The following PLEKHG1 variants were observed in gnomAD, a reference collection of about 807,000 sequenced individuals.
The protein encoded by PLEKHG1 is pleckstrin homology domain-containing family G member 1.
Under a neutral mutation model 100.8 loss-of-function variants are expected in PLEKHG1, and 44 were observed. That is an observed-to-expected ratio of 0.44 (90% CI 0.34 to 0.56). The LOEUF (loss-of-function observed/expected upper bound fraction) is 0.56, where lower values mean the gene tolerates loss of function less well. Among genes scored for constraint, PLEKHG1 ranks in the 20% least tolerant of loss-of-function variants. The probability of loss-of-function intolerance (pLI) is 0.01; values close to 1 mark genes in which losing one functional copy is unlikely to be tolerated. For synonymous variants in PLEKHG1, 640 were observed against 662.5 expected (o/e 0.97, Z 0.52); for missense variants, 1,545 against 1,720.9 (o/e 0.90, Z 1.81).
At chr6:150,680,170 A>G (rs1779885620) in intron 3 of PLEKHG1, among the ~76,000 whole-genome samples, 1 of 152,196 alleles carries the variant, frequency 6.6e-6, no homozygotes, top group African/African-American at 2.4e-5. Flanking sequence ...TCCCCTCCAG[A>G]GAATATTTAG....
At chr6:150,702,155 C>A (rs1331782010) in intron 3 of PLEKHG1, among the ~76,000 whole-genome samples, 1 of 152,178 alleles carries the variant, frequency 6.6e-6, no homozygotes, top group Admixed American at 6.6e-5. Flanking sequence ...AGAAATACAA[C>A]TGGACAACAG....
At chr6:150,813,318 A>AC in intron 10 of PLEKHG1, among the ~76,000 whole-genome samples, 1 of 151,488 alleles carries the variant, frequency 6.6e-6, no homozygotes, top group Non-Finnish European at 1.5e-5. Context: ...AAAAAAAAAA[A>AC]ACAAAATGGA....
At chr6:150,736,938 G>C (rs768966058) in intron 2 of PLEKHG1, among the ~76,000 whole-genome samples, 22 of 152,238 alleles carry the variant, frequency 1.4e-4, no homozygotes, top group Admixed American at 5.9e-4. Flanking sequence ...GGCCCAGAAG[G>C]GGGTGAGTAT....
chr6:150,665,602 C>T (rs2128582520), intron 3 of PLEKHG1, among the ~76,000 whole-genome samples: 1 of 151,310 alleles, frequency 6.6e-6, no homozygotes, highest in African/African-American at 2.4e-5. Context: ...TGCACTCTAG[C>T]CTGGGCAACA....
At chr6:150,739,801 G>A (rs763444016) in intron 2 of PLEKHG1, among the ~76,000 whole-genome samples, 10 of 152,312 alleles carry the variant, frequency 6.6e-5, no homozygotes, top group Admixed American at 2.0e-4. Flanking sequence ...ACAAGGATTA[G>A]AATGGTGATC....
At chr6:150,736,941 G>A (rs535909286) in intron 2 of PLEKHG1, among the ~76,000 whole-genome samples, 2 of 152,174 alleles carry the variant, frequency 1.3e-5, no homozygotes, top group East Asian at 3.9e-4. Flanking sequence ...CCAGAAGGGG[G>A]TGAGTATTGG....
intron 1 of PLEKHG1, among the ~76,000 whole-genome samples, chr6:150,728,482 G>A (rs987324034): frequency 5.9e-5 from 9 of 151,878 alleles, no homozygotes; most frequent in Non-Finnish European, 1.0e-4. Flanking sequence ...CCAGCTATTT[G>A]GGAGGCTGAG....
At chr6:150,698,637 C>G (rs183546574) in intron 3 of PLEKHG1, among the ~76,000 whole-genome samples, 1 of 152,272 alleles carries the variant, frequency 6.6e-6, no homozygotes, top group Non-Finnish European at 1.5e-5. Flanking sequence ...CAAGTACCTC[C>G]TGTAACGCAA....
chr6:150,703,388 C>G (rs1315090044), intron 3 of PLEKHG1, among the ~76,000 whole-genome samples: 3 of 152,030 alleles, frequency 2.0e-5, no homozygotes, highest in Non-Finnish European at 4.4e-5. Context: ...ATCGCTTGAG[C>G]TCAGGAGTTA....
At chr6:150,680,035 G>A (rs1173582591) in intron 3 of PLEKHG1, among the ~76,000 whole-genome samples, 1 of 152,194 alleles carries the variant, frequency 6.6e-6, no homozygotes, top group African/African-American at 2.4e-5. Context: ...CTGGAGGCCA[G>A]GTTACATACA....
intron 15 of PLEKHG1, among the ~76,000 whole-genome samples, chr6:150,835,959 A>G (rs547025368): frequency 2.0e-5 from 3 of 152,366 alleles, no homozygotes; most frequent in African/African-American, 7.2e-5. Context: ...TGAGTTATCT[A>G]TAGGAAGCAT....
At chr6:150,703,582 C>T (rs866332223) in intron 3 of PLEKHG1, among the ~76,000 whole-genome samples, 1 of 144,910 alleles carries the variant, frequency 6.9e-6, no homozygotes, top group Non-Finnish European at 1.5e-5. Context: ...GCCTGGGCGA[C>T]AGAGCAAGAC....
At chr6:150,648,927 C>T (rs6918876) in intron 2 of PLEKHG1, among the ~76,000 whole-genome samples, 10,185 of 151,780 alleles carry the variant, frequency 0.067, 790 homozygotes, top group African/African-American at 0.18. Context: ...TGATATAGTC[C>T]TCTAATAATT....
At chr6:150,796,323 A>G (rs1368418125) in intron 5 of PLEKHG1, among the ~76,000 whole-genome samples, 1 of 152,186 alleles carries the variant, frequency 6.6e-6, no homozygotes, top group Non-Finnish European at 1.5e-5. Flanking sequence ...AATAAGTTTT[A>G]TGAACTATAT....
chr6:150,621,516 A>C (rs978963290), intron 1 of PLEKHG1, among the ~76,000 whole-genome samples: 2 of 151,978 alleles, frequency 1.3e-5, no homozygotes, highest in Non-Finnish European at 2.9e-5. Context: ...CTGGAATTAC[A>C]GGCCTATGCC....
chr6:150,779,343 AG>A (rs1424466612), intron 3 of PLEKHG1, among the ~76,000 whole-genome samples: 1 of 88,562 alleles, frequency 1.1e-5, no homozygotes, highest in East Asian at 4.8e-4. Flanking sequence ...ATTGTCAAGA[AG>A]TTTTTTTTTT....
chr6:150,761,687 A>G (rs1325912793), intron 2 of PLEKHG1, among the ~76,000 whole-genome samples: 2 of 152,132 alleles, frequency 1.3e-5, no homozygotes, highest in African/African-American at 4.8e-5. Context: ...TACTAATTCT[A>G]TTTCTTAATT....
intron 13 of PLEKHG1, among the ~76,000 whole-genome samples, chr6:150,823,097 G>A (rs1776396138): frequency 6.6e-6 from 1 of 152,188 alleles, no homozygotes; most frequent in African/African-American, 2.4e-5. Context: ...TGGGATCTGT[G>A]GAGAGGGAAG....
chr6:150,640,492 G>A (rs572261312), intron 2 of PLEKHG1, among the ~76,000 whole-genome samples: 2 of 152,256 alleles, frequency 1.3e-5, no homozygotes, highest in African/African-American at 2.4e-5. Context: ...TTTCAGGGAT[G>A]CTTTGGCTTA....
Sources: allele counts gnomAD v4.1 joint callset (sites outside exome capture counted in the v4.1 genomes callset), GRCh38; gene constraint gnomAD v4.1.1; transcripts MANE v1.5; gene names NCBI Gene and HGNC (gene_info 2026-07-23, HGNC 2026-07-21).